PHF24: variants seen among roughly 807,000 people sequenced by gnomAD.
PHF24 encodes the protein PHD finger protein 24, also known as Galpha inhibitory interacting protein.
PHF24 carries 25 observed loss-of-function variants against 42.6 expected under a neutral mutation model. The ratio of observed to expected loss-of-function variants is 0.59; its 90% CI spans 0.43 to 0.82. The LOEUF (loss-of-function observed/expected upper bound fraction) is 0.82. Ranked by LOEUF, PHF24 falls within the 40% of genes least tolerant of loss-of-function variation. PHF24 has a pLI of 0.00. For synonymous variants in PHF24, 185 were observed against 204.8 expected (o/e 0.90, Z 0.83); for missense variants, 470 against 538.1 (o/e 0.87, Z 1.25).
the PHF24 span, chr9:34,834,806 A>G: frequency 6.5e-7 from 1 of 1,542,566 alleles, no homozygotes. Flanking sequence ...AGATGGAGAC[A>G]CCCAATTTGG....
chr9:34,919,623 T>A, the PHF24 span, among the ~76,000 whole-genome samples: 4 of 151,686 alleles, frequency 2.6e-5, no homozygotes, highest in Non-Finnish European at 5.9e-5. Context: ...TTTACTGTAG[T>A]CACCCTGTTG....
At chr9:34,835,629 C>T in the PHF24 span, 2 of 1,551,588 alleles carry the variant, frequency 1.3e-6, no homozygotes, top group Admixed American at 2.0e-5. Flanking sequence ...GCTTGTCAAG[C>T]CTTGAAGAAG....
At chr9:34,878,967 C>T in the PHF24 span, among the ~76,000 whole-genome samples, 1 of 152,146 alleles carries the variant, frequency 6.6e-6, no homozygotes, top group Non-Finnish European at 1.5e-5. Flanking sequence ...CAGTAGGGGC[C>T]GACTGACACC....
chr9:34,782,744 A>C, the PHF24 span, among the ~76,000 whole-genome samples: 1 of 152,142 alleles, frequency 6.6e-6, no homozygotes, highest in African/African-American at 2.4e-5. Flanking sequence ...TATGCAAAAC[A>C]AACTTGAGAA....
chr9:34,864,421 A>G, the PHF24 span, among the ~76,000 whole-genome samples: 1 of 152,206 alleles, frequency 6.6e-6, no homozygotes, highest in Non-Finnish European at 1.5e-5. Flanking sequence ...CAAATAACAT[A>G]CAATGGAGCT....
the PHF24 span, chr9:34,918,255 CT>C: frequency 1.3e-5 from 19 of 1,476,560 alleles, no homozygotes; most frequent in Non-Finnish European, 1.7e-5. Context: ...CACGTGTCTT[CT>C]CAATGAAACT....
the PHF24 span, among the ~76,000 whole-genome samples, chr9:34,873,077 T>A: frequency 6.7e-6 from 1 of 149,824 alleles, no homozygotes; most frequent in African/African-American, 2.4e-5. Flanking sequence ...TAAATTTGTT[T>A]GAGTTCATTG....
the PHF24 span, among the ~76,000 whole-genome samples, chr9:34,877,354 GA>G: frequency 6.6e-6 from 1 of 151,818 alleles, no homozygotes; most frequent in Non-Finnish European, 1.5e-5. Context: ...TACACTAAGT[GA>G]AATAAGCCAG....
chr9:34,860,531 C>A, the PHF24 span, among the ~76,000 whole-genome samples: 2 of 152,080 alleles, frequency 1.3e-5, no homozygotes, highest in Admixed American at 1.3e-4. Flanking sequence ...TCCTTTGTTG[C>A]CATCATATGA....
At chr9:34,944,472 C>G in the PHF24 span, among the ~76,000 whole-genome samples, 10 of 152,152 alleles carry the variant, frequency 6.6e-5, no homozygotes, top group African/African-American at 2.4e-5. Flanking sequence ...GGGGTAGAGC[C>G]CCTGAGAGGG....
chr9:34,889,465 CAT>C, the PHF24 span: 6 of 398,544 alleles, frequency 1.5e-5, no homozygotes, highest in Non-Finnish European at 2.7e-5. Flanking sequence ...GCTCCCCACA[CAT>C]GATCTTTGGT....
chr9:34,945,311 G>C, the PHF24 span, among the ~76,000 whole-genome samples: 25,149 of 152,212 alleles, frequency 0.17, 2,541 homozygotes, highest in Non-Finnish European at 0.23. Flanking sequence ...CAAATGGGAA[G>C]ATGTCAAGAT....
the PHF24 span, chr9:34,681,356 A>G: frequency 6.6e-6 from 1 of 152,216 alleles, no homozygotes; most frequent in South Asian, 2.1e-4. Flanking sequence ...TAGAGATGTA[A>G]GATTACAGTA....
the PHF24 span, among the ~76,000 whole-genome samples, chr9:34,759,358 C>G: frequency 6.6e-6 from 1 of 152,192 alleles, no homozygotes; most frequent in Non-Finnish European, 1.5e-5. Context: ...TATTATAAAA[C>G]CTGCCTCCTA....
chr9:34,834,429 G>C, the PHF24 span: 2 of 1,551,938 alleles, frequency 1.3e-6, no homozygotes, highest in Non-Finnish European at 1.7e-6. Flanking sequence ...GACACAGTCT[G>C]CTGGTCAGTG....
chr9:34,692,108 G>A, the PHF24 span, among the ~76,000 whole-genome samples: 3 of 152,266 alleles, frequency 2.0e-5, no homozygotes, highest in Admixed American at 6.5e-5. Context: ...AAGGTCAGAA[G>A]AGAAGGCCTT....
chr9:34,820,679 A>G, the PHF24 span, among the ~76,000 whole-genome samples: 1 of 152,180 alleles, frequency 6.6e-6, no homozygotes, highest in Non-Finnish European at 1.5e-5. Flanking sequence ...TATTGTGAAT[A>G]CTACTGTGAT....
At chr9:34,754,807 T>C in the PHF24 span, among the ~76,000 whole-genome samples, 1 of 152,126 alleles carries the variant, frequency 6.6e-6, no homozygotes, top group Non-Finnish European at 1.5e-5. Context: ...AACCTAAGTG[T>C]CCATCAGCAG....
chr9:34,690,424 CTGTGTGTGTGTGTG>C, the PHF24 span: 375 of 608,564 alleles, frequency 6.2e-4, 1 homozygote, highest in Non-Finnish European at 5.0e-4. Context: ...TTGAGGACAC[CTGTGTGTGTGTGTG>C]TGTGTGTGTG....
Sources: allele counts gnomAD v4.1 joint callset (sites outside exome capture counted in the v4.1 genomes callset), GRCh38; gene constraint gnomAD v4.1.1; transcripts MANE v1.5; gene names NCBI Gene and HGNC (gene_info 2026-07-23, HGNC 2026-07-21).